PCDHA8: variants seen among roughly 807,000 people sequenced by gnomAD.
PCDHA8 encodes the protein protocadherin alpha-8.
A neutral mutation model predicts 61.8 loss-of-function variants in PCDHA8; 53 were observed. The ratio of observed to expected loss-of-function variants is 0.86; its 90% CI spans 0.69 to 1.08. The LOEUF (loss-of-function observed/expected upper bound fraction) is 1.08. PCDHA8 is among the 50% of genes least tolerant of loss of function. The probability of loss-of-function intolerance (pLI) is 0.00; values close to 1 mark genes in which losing one functional copy is unlikely to be tolerated. For synonymous variants in PCDHA8, 618 were observed against 556.6 expected, an observed-to-expected ratio of 1.11 and a Z score of -1.55; for missense variants, 1,293 against 1,245.0, an observed-to-expected ratio of 1.04 and a Z score of -0.58.
chr5:140,946,631 T>TATATATATATATATATATATATATACAC lies in PCDHA8; in HGVS notation c.2395-32317_2395-32316insTATATATATATATATATATATATACACA, dbSNP rs57893927. 8.3e-4 allele frequency among the ~76,000 whole-genome samples: 109 copies of TATATATATATATATATATATATATACAC among 131,802 alleles called. 1 individual carries two copies. The highest frequency in any genetic ancestry group is 3.6e-3 in the African/African-American group (102 of 28,672). 86.5% of individuals were successfully genotyped at this position (131,802 alleles called of 152,430 possible). A position where few individuals can be genotyped will look rare whatever the true frequency, so the allele number is the denominator to read the frequency against. On this transcript the variant is annotated intron_variant, in intron 1 of 3. Transcript: ENST00000531613. ...TGTGAAATATATATATATATATATA[T>TATATATATATATATATATATATATACAC]ACAATGGAATACTCATCAGCCATTA...
intron 1 of PCDHA8, chr5:140,869,225 A>G (rs2050944514): frequency 6.2e-7 from 1 of 1,613,790 alleles, no homozygotes; most frequent in African/African-American, 1.3e-5. Flanking sequence ...GAGGCCAAAC[A>G]CGGCACCTTC....
At chr5:140,866,070 T>C (rs1446078370) in intron 1 of PCDHA8, 1 of 152,178 alleles carries the variant, frequency 6.6e-6, no homozygotes, top group Non-Finnish European at 1.5e-5. Flanking sequence ...CACACTGAGA[T>C]AGGTATTTTG....
chr5:141,005,797 A>G (rs1444669955), intron 3 of PCDHA8, among the ~76,000 whole-genome samples: 2 of 150,756 alleles, frequency 1.3e-5, no homozygotes, highest in East Asian at 1.9e-4. Context: ...GGCAAAAACA[A>G]CTCCAAGGAG....
rs139390480 is a variant in PCDHA8, at chr5:140,856,945, A to T, written c.2394+13230A>T. ...AATTTTGGATAAACGAAAGGACGGGAGAAATAAAAGTAAATGATGCTATTG... is the reference window on the plus strand; with the variant it reads ...AATTTTGGATAAACGAAAGGACGGGTGAAATAAAAGTAAATGATGCTATTG... On this transcript the variant is annotated intron_variant, in intron 1 of 3. Transcript: ENST00000531613. The T allele has an allele frequency of 3.8e-6, 6 of 1,593,208 alleles. No individual in the cohort carries two copies. The highest frequency in any genetic ancestry group is 5.2e-6 in the Non-Finnish European group (6 of 1,163,192).
intron 1 of PCDHA8, among the ~76,000 whole-genome samples, chr5:140,899,477 A>G (rs1309385245): frequency 3.3e-5 from 5 of 152,210 alleles, no homozygotes; most frequent in Non-Finnish European, 5.9e-5. Context: ...GGTTCTGTTT[A>G]TATGCTGGAT....
At chr5:140,924,715 C>T (rs1258622619) in intron 1 of PCDHA8, among the ~76,000 whole-genome samples, 5 of 151,692 alleles carry the variant, frequency 3.3e-5, no homozygotes, top group African/African-American at 7.3e-5. Context: ...TGCAACATGG[C>T]GAAACCTCAC....
intron 1 of PCDHA8, among the ~76,000 whole-genome samples, chr5:140,933,268 T>A (rs2088999959): frequency 6.6e-6 from 1 of 151,986 alleles, no homozygotes; most frequent in Non-Finnish European, 1.5e-5. Context: ...TTATTATATA[T>A]TCATTTGGAA....
Position 140,932,248 on chromosome 5 carries a change from T to C in PCDHA8, c.2395-46701T>C, listed in dbSNP as rs1424091954. Among the ~76,000 whole-genome samples the C allele has an allele frequency of 2.6e-5, 4 of 152,016 alleles. No individual in the cohort carries two copies. In the East Asian group the frequency reaches 7.7e-4, roughly 29 times the overall value. On this transcript the variant is annotated intron_variant, in intron 1 of 3. Coordinates refer to ENST00000531613, the MANE Select transcript of PCDHA8 (RefSeq NM_018911.3). ...TTTTTTAGAATGGTATCTAAGAGGG[T>C]ACCTCTGAGATATAAATTTCTACTT... is the stretch of plus-strand genomic sequence containing the variant.
chr5:140,899,384 A>G (rs2067296665), intron 1 of PCDHA8, among the ~76,000 whole-genome samples: 2 of 152,124 alleles, frequency 1.3e-5, no homozygotes, highest in Admixed American at 1.3e-4. Context: ...TAATTTATTG[A>G]GAGTTTTTAG....
intron 1 of PCDHA8, chr5:140,852,609 A>G (rs1581283750): frequency 2.1e-6 from 2 of 936,558 alleles, no homozygotes; most frequent in East Asian, 1.1e-4. Context: ...TTTTCTTTCA[A>G]AACTTGAGTG....
At chr5:140,925,690 G>GT (rs2082677818) in intron 1 of PCDHA8, among the ~76,000 whole-genome samples, 1 of 149,642 alleles carries the variant, frequency 6.7e-6, no homozygotes, top group African/African-American at 2.5e-5. Flanking sequence ...GCGAGGGTGG[G>GT]TATCTAGCCT....
intron 1 of PCDHA8, among the ~76,000 whole-genome samples, chr5:140,941,561 C>T (rs782382112): frequency 2.1e-4 from 32 of 151,880 alleles, no homozygotes; most frequent in Middle Eastern, 3.2e-3. Context: ...GTGATCCATT[C>T]GCCTCAGCCT....
intron 1 of PCDHA8, chr5:140,928,400 C>G: frequency 6.2e-7 from 1 of 1,614,038 alleles, no homozygotes; most frequent in Non-Finnish European, 8.5e-7. Flanking sequence ...GTGGAATCAT[C>G]CAGTGGGGCC....
chr5:140,893,112 G>T (rs782797637), intron 1 of PCDHA8, among the ~76,000 whole-genome samples: 5 of 152,148 alleles, frequency 3.3e-5, no homozygotes, highest in Non-Finnish European at 7.3e-5. Flanking sequence ...ATTCCGTTGT[G>T]CATATACACC....
intron 1 of PCDHA8, chr5:140,856,217 G>C: frequency 6.3e-7 from 1 of 1,598,130 alleles, no homozygotes; most frequent in Non-Finnish European, 8.6e-7. Flanking sequence ...GGAGCTGGCG[G>C]AGCTGGTGCA....
At chr5:140,917,495 AATG>A (rs1391932074) in intron 1 of PCDHA8, among the ~76,000 whole-genome samples, 1 of 152,174 alleles carries the variant, frequency 6.6e-6, no homozygotes, top group Non-Finnish European at 1.5e-5. Flanking sequence ...CTATGCCCAG[AATG>A]ATATTTTCTA....
At chr5:140,982,253 A>G (rs1209317234) in intron 2 of PCDHA8, 16 of 777,640 alleles carry the variant, frequency 2.1e-5, no homozygotes, top group Admixed American at 3.3e-5. Context: ...AAGATAGAAC[A>G]TGTGTGTTCC....
chr5:140,853,968 T>C lies in PCDHA8; in HGVS notation c.2394+10253T>C. On this transcript the variant is annotated intron_variant, in intron 1 of 3. Transcript: ENST00000531613. ...AGGGTCCCTTCCTTGAGCCCAGCAG[T>C]TTGAGACCAATGTAGTGAGACTCAT... 9 of 656,022 alleles carry C rather than the reference T, an allele frequency of 1.4e-5. 1 individual carries two copies. The highest frequency in any genetic ancestry group is 1.7e-5 in the Non-Finnish European group (9 of 516,032). 40.6% of individuals were successfully genotyped at this position (656,022 alleles called of 1,614,324 possible).
rs566700844 is a variant in PCDHA8, at chr5:140,926,191, C to T, written c.2395-52758C>T. On this transcript the variant is annotated intron_variant, in intron 1 of 3. Coordinates refer to ENST00000531613, the MANE Select transcript of PCDHA8 (RefSeq NM_018911.3). Reference sequence around the variant, plus strand: ...CCAGCGCGGAAAGCCCCCCGCAGCACTTCTTTCGGGGGGCTCCTGTTTCCT... The same window carrying T: ...CCAGCGCGGAAAGCCCCCCGCAGCATTTCTTTCGGGGGGCTCCTGTTTCCT... Among the ~76,000 whole-genome samples the T allele has an allele frequency of 8.1e-3, 1,227 of 151,838 alleles. 6 individuals carry two copies. Among genetic ancestry groups the T allele is most frequent in the African/African-American group, 0.019 (793 of 41,542 alleles).
Sources: allele counts gnomAD v4.1 joint callset (sites outside exome capture counted in the v4.1 genomes callset), GRCh38; gene constraint gnomAD v4.1.1; transcripts MANE v1.5; gene names NCBI Gene and HGNC (gene_info 2026-07-23, HGNC 2026-07-21).